C13orf42: variants seen among roughly 807,000 people sequenced by gnomAD.
C13orf42 encodes chromosome 13 open reading frame 42, also known as uncharacterized protein C13orf42.
chr13:51,131,420 G>T (rs1389445693), intron 1 of C13orf42, among the ~76,000 whole-genome samples: 1 of 152,144 alleles, frequency 6.6e-6, no homozygotes, highest in African/African-American at 2.4e-5. Context: ...GGGAAAACTG[G>T]CCTCACACCT....
At chr13:51,101,690 T>TAAAAAAATAAAAAA (rs1566125915) in intron 1 of C13orf42, among the ~76,000 whole-genome samples, 3 of 152,190 alleles carry the variant, frequency 2.0e-5, no homozygotes, top group Non-Finnish European at 4.4e-5. Context: ...ATAAATAAGA[T>TAAAAAAATAAAAAA]ATAATGCCTC....
intron 1 of C13orf42, among the ~76,000 whole-genome samples, chr13:51,142,603 AAAAAAG>A (rs756430708): frequency 5.3e-5 from 8 of 150,550 alleles, no homozygotes; most frequent in Non-Finnish European, 1.0e-4. Context: ...CTTAAAAAAA[AAAAAAG>A]AAAGAAGAAA....
At chr13:51,168,431 G>T (rs1953918366) in intron 1 of C13orf42, among the ~76,000 whole-genome samples, 1 of 152,134 alleles carries the variant, frequency 6.6e-6, no homozygotes, top group African/African-American at 2.4e-5. Flanking sequence ...TTTGCAACAT[G>T]GCGTTGTCAT....
chr13:51,166,146 TAC>T (rs1555269475), intron 1 of C13orf42, among the ~76,000 whole-genome samples: 1 of 152,194 alleles, frequency 6.6e-6, no homozygotes, highest in Non-Finnish European at 1.5e-5. Flanking sequence ...TTAATGAACT[TAC>T]TTTCTGGTGG....
chr13:51,124,841 T>C (rs1953563158), intron 1 of C13orf42, among the ~76,000 whole-genome samples: 3 of 152,214 alleles, frequency 2.0e-5, no homozygotes. Flanking sequence ...CCCCCAGCTC[T>C]TGTTCCTTCA....
intron 1 of C13orf42, among the ~76,000 whole-genome samples, chr13:51,125,002 T>A (rs1953564639): frequency 6.6e-6 from 1 of 152,226 alleles, no homozygotes; most frequent in African/African-American, 2.4e-5. Flanking sequence ...ATTTACTCTG[T>A]AAGCAAGCCC....
intron 1 of C13orf42, among the ~76,000 whole-genome samples, chr13:51,108,694 A>G (rs982710335): frequency 2.6e-5 from 4 of 152,244 alleles, no homozygotes; most frequent in African/African-American, 9.6e-5. Flanking sequence ...ACCTGACAGA[A>G]AAACAGACCC....
chr13:51,162,547 T>C (rs1033123643), intron 1 of C13orf42, among the ~76,000 whole-genome samples: 1 of 152,242 alleles, frequency 6.6e-6, no homozygotes, highest in Admixed American at 6.5e-5. Context: ...TTTTATTTTT[T>C]CCCTTGGTCT....
At chr13:51,152,251 A>G (rs560599799) in intron 1 of C13orf42, among the ~76,000 whole-genome samples, 282 of 152,380 alleles carry the variant, frequency 1.9e-3, no homozygotes, top group South Asian at 8.1e-3. Flanking sequence ...GCATCTACAT[A>G]GACATCACAT....
chr13:51,138,079 C>T (rs1219845797), intron 1 of C13orf42, among the ~76,000 whole-genome samples: 1 of 152,172 alleles, frequency 6.6e-6, no homozygotes, highest in Admixed American at 6.5e-5. Flanking sequence ...TACTTTCTGT[C>T]CCCCATTCTT....
intron 1 of C13orf42, among the ~76,000 whole-genome samples, chr13:51,095,722 C>T (rs73188233): frequency 0.19 from 28,724 of 151,942 alleles, 3,072 homozygotes; most frequent in East Asian, 0.31. Context: ...TTATGGTTTC[C>T]ATCTTTCTGC....
chr13:51,155,988 A>C (rs1045523116), intron 1 of C13orf42, among the ~76,000 whole-genome samples: 1 of 152,176 alleles, frequency 6.6e-6, no homozygotes, highest in African/African-American at 2.4e-5. Flanking sequence ...CCTGTGCCTG[A>C]CATCAGTGTA....
At chr13:51,164,929 T>G (rs1490375304) in intron 1 of C13orf42, among the ~76,000 whole-genome samples, 3 of 152,274 alleles carry the variant, frequency 2.0e-5, no homozygotes, top group South Asian at 2.1e-4. Flanking sequence ...CTTGGAGATA[T>G]CCATTAGGGA....
chr13:51,106,343 A>ACG, intron 1 of C13orf42, among the ~76,000 whole-genome samples: 1 of 151,632 alleles, frequency 6.6e-6, no homozygotes, highest in Non-Finnish European at 1.5e-5. Context: ...CTCCCTAATG[A>ACG]CTCTCCCTGG....
intron 1 of C13orf42, among the ~76,000 whole-genome samples, chr13:51,108,074 T>C (rs967074485): frequency 4.6e-5 from 7 of 152,182 alleles, no homozygotes; most frequent in African/African-American, 1.7e-4. Context: ...TTCTCCTGGC[T>C]TCTGGTAGGT....
At chr13:51,148,799 C>T (rs538889921) in intron 1 of C13orf42, among the ~76,000 whole-genome samples, 101 of 152,310 alleles carry the variant, frequency 6.6e-4, no homozygotes, top group Admixed American at 1.4e-3. Flanking sequence ...TACCCTCCGC[C>T]GCCAGGCCCC....
At chr13:51,127,735 T>A (rs1953587790) in intron 1 of C13orf42, among the ~76,000 whole-genome samples, 1 of 152,172 alleles carries the variant, frequency 6.6e-6, no homozygotes. Flanking sequence ...CTATACGTAT[T>A]GAAAACATTA....
At chr13:51,103,735 A>G (rs1288374343) in intron 1 of C13orf42, among the ~76,000 whole-genome samples, 1 of 152,174 alleles carries the variant, frequency 6.6e-6, no homozygotes, top group Non-Finnish European at 1.5e-5. Context: ...TGACACAAGC[A>G]ACAACCCAGA....
intron 1 of C13orf42, among the ~76,000 whole-genome samples, chr13:51,118,831 A>C (rs555902763): frequency 1.3e-5 from 2 of 152,280 alleles, no homozygotes; most frequent in African/African-American, 4.8e-5. Flanking sequence ...ATGCTTGGGC[A>C]TACAGTATGC....
Sources: gnomAD v4.1 joint callset for allele counts (sites outside exome capture counted in the v4.1 genomes callset) on GRCh38, gnomAD v4.1.1 for gene constraint, MANE v1.5 for transcripts, NCBI Gene and HGNC (gene_info 2026-07-23, HGNC 2026-07-21) for gene names.